Variants in BICD1 observed in about 807,000 individuals in gnomAD.
The protein encoded by BICD1 is protein bicaudal D homolog 1.
BICD1 carries 35 observed loss-of-function variants against 92.5 expected under a neutral mutation model. That is an observed-to-expected ratio of 0.38 (90% confidence interval 0.29 to 0.50). BICD1 has a LOEUF of 0.50. BICD1 is among the 20% of genes least tolerant of loss of function. The pLI is 0.93. For missense variants in BICD1, 950 were observed against 1,189.8 expected (o/e 0.80, Z 2.97); for synonymous variants, 429 against 465.1 (o/e 0.92, Z 1.00).
chr12:32,195,266 T>C (rs1944695883), intron 1 of BICD1, among the ~76,000 whole-genome samples: 1 of 152,134 alleles, frequency 6.6e-6, no homozygotes, highest in Admixed American at 6.5e-5. Context: ...AAAACAATCC[T>C]AATATTTGTA....
At chr12:32,185,750 C>T (rs1416302782) in intron 1 of BICD1, among the ~76,000 whole-genome samples, 1 of 152,070 alleles carries the variant, frequency 6.6e-6, no homozygotes, top group African/African-American at 2.4e-5. Context: ...GTGAATCCAC[C>T]ACAGTTAACA....
At chr12:32,308,305 T>C (rs1948285029) in intron 4 of BICD1, among the ~76,000 whole-genome samples, 1 of 152,216 alleles carries the variant, frequency 6.6e-6, no homozygotes, top group Non-Finnish European at 1.5e-5. Flanking sequence ...ATTTCCTCAG[T>C]TGAAGTGATG....
chr12:32,282,549 G>A (rs931544179), intron 2 of BICD1, among the ~76,000 whole-genome samples: 2 of 152,122 alleles, frequency 1.3e-5, no homozygotes, highest in East Asian at 3.9e-4. Flanking sequence ...GTCGCATAGG[G>A]TTTTGTTAAC....
At position 32,172,456 on chromosome 12, in the gene BICD1, A is replaced by C. The variant is rs1592414122; in HGVS notation, c.214-43791A>C. On this transcript the variant is annotated intron_variant, in intron 1 of 9. Coordinates refer to ENST00000652176, the MANE Select transcript of BICD1 (RefSeq NM_001714.4). ...GTGAAGAAAAAGCCCTCCAGAGAAA[A>C]GGTAGTAAGAGATCCAGAATCTAGA... Among the ~76,000 whole-genome samples, 3 of 152,322 alleles carry C rather than the reference A, an allele frequency of 2.0e-5. No individual in the cohort carries two copies. In the East Asian group the frequency reaches 5.8e-4, roughly 29 times the overall value.
At chr12:32,274,346 T>A (rs929737588) in intron 2 of BICD1, among the ~76,000 whole-genome samples, 1 of 152,156 alleles carries the variant, frequency 6.6e-6, no homozygotes, top group Non-Finnish European at 1.5e-5. Context: ...CTCACAGTCA[T>A]GGAATACAGA....
chr12:32,336,772 C>T (rs534506654), intron 6 of BICD1, among the ~76,000 whole-genome samples: 1 of 152,244 alleles, frequency 6.6e-6, no homozygotes, highest in East Asian at 1.9e-4. Context: ...CACAGCAGCC[C>T]CACGATAACT....
At chr12:32,232,765 A>G (rs924611120) in intron 2 of BICD1, among the ~76,000 whole-genome samples, 3 of 152,100 alleles carry the variant, frequency 2.0e-5, no homozygotes, top group East Asian at 1.9e-4. Flanking sequence ...TGATTTTTGT[A>G]TAAGGTGTAA....
At chr12:32,212,546 A>G (rs1945248320) in intron 1 of BICD1, among the ~76,000 whole-genome samples, 1 of 152,166 alleles carries the variant, frequency 6.6e-6, no homozygotes, top group Non-Finnish European at 1.5e-5. Context: ...TGCCTCAGCC[A>G]CCCAAGTAGC....
chr12:32,208,597 C>CAT (rs1945128057), intron 1 of BICD1, among the ~76,000 whole-genome samples: 1 of 152,102 alleles, frequency 6.6e-6, no homozygotes, highest in Non-Finnish European at 1.5e-5. Flanking sequence ...ACTTTTGAGC[C>CAT]ATACGCATCA....
At chr12:32,335,810 C>T (rs1246816385) in intron 6 of BICD1, among the ~76,000 whole-genome samples, 2 of 151,196 alleles carry the variant, frequency 1.3e-5, no homozygotes. Context: ...GTCTCAAACT[C>T]CTGGGCTCAA....
At chr12:32,135,070 C>T (rs1428668779) in intron 1 of BICD1, among the ~76,000 whole-genome samples, 1 of 108,916 alleles carries the variant, frequency 9.2e-6, no homozygotes, top group African/African-American at 3.6e-5. Flanking sequence ...CCCTCCCCTC[C>T]CCTTCCCCGC....
chr12:32,127,588 G>A (rs1481408155), intron 1 of BICD1, among the ~76,000 whole-genome samples: 1 of 152,122 alleles, frequency 6.6e-6, no homozygotes, highest in Admixed American at 6.5e-5. Context: ...ATAAGTTCTT[G>A]GTAGCTGATG....
At chr12:32,132,283 G>C (rs528457435) in intron 1 of BICD1, among the ~76,000 whole-genome samples, 1 of 152,178 alleles carries the variant, frequency 6.6e-6, no homozygotes, top group Non-Finnish European at 1.5e-5. Flanking sequence ...GGGTGTGGTG[G>C]CAGGCGCTTG....
chr12:32,201,677 A>C (rs899967403), intron 1 of BICD1, among the ~76,000 whole-genome samples: 2 of 152,078 alleles, frequency 1.3e-5, no homozygotes, highest in African/African-American at 4.8e-5. Context: ...TCATTGGCCA[A>C]GACCCAGAAA....
At chr12:32,287,825 CT>C (rs1947614457) in intron 2 of BICD1, among the ~76,000 whole-genome samples, 1 of 152,226 alleles carries the variant, frequency 6.6e-6, no homozygotes, top group South Asian at 2.1e-4. Context: ...GCATGAGCCA[CT>C]GTGCCCGGCC....
chr12:32,185,271 T>C (rs372603664), intron 1 of BICD1, among the ~76,000 whole-genome samples: 1 of 152,214 alleles, frequency 6.6e-6, no homozygotes, highest in African/African-American at 2.4e-5. Flanking sequence ...TCATAAGCAA[T>C]TTATACTCTT....
intron 1 of BICD1, among the ~76,000 whole-genome samples, chr12:32,132,815 A>G (rs139724950): frequency 6.6e-6 from 1 of 152,228 alleles, no homozygotes; most frequent in African/African-American, 2.4e-5. Flanking sequence ...TTAAAAGATC[A>G]CTCTGGTTAT....
chr12:32,142,015 T>C (rs1942937486), intron 1 of BICD1, among the ~76,000 whole-genome samples: 2 of 152,174 alleles, frequency 1.3e-5, no homozygotes, highest in Admixed American at 1.3e-4. Flanking sequence ...TACATTTTGC[T>C]GAACAAAACA....
chr12:32,272,132 T>G (rs1257653000), intron 2 of BICD1, among the ~76,000 whole-genome samples: 1 of 152,228 alleles, frequency 6.6e-6, no homozygotes, highest in East Asian at 1.9e-4. Flanking sequence ...CTTTCACTAT[T>G]TCTTTTATGA....
Sources: gnomAD v4.1 joint callset for allele counts (sites outside exome capture counted in the v4.1 genomes callset) on GRCh38, gnomAD v4.1.1 for gene constraint, MANE v1.5 for transcripts, NCBI Gene and HGNC (gene_info 2026-07-23, HGNC 2026-07-21) for gene names.